RNF180: variants seen among roughly 807,000 people sequenced by gnomAD.
RNF180 encodes E3 ubiquitin-protein ligase RNF180.
In RNF180, 38 loss-of-function variants were observed where a neutral mutation model predicts 59.2. That is an observed-to-expected ratio of 0.64 (90% CI 0.50 to 0.84). The LOEUF (loss-of-function observed/expected upper bound fraction) is 0.84. RNF180 is among the 40% of genes least tolerant of loss of function. The pLI, the probability that RNF180 is intolerant of heterozygous loss-of-function variation, is 0.00. For missense variants in RNF180, 705 were observed against 700.9 expected (o/e 1.01, Z -0.07); for synonymous variants, 262 against 240.3 (o/e 1.09, Z -0.84).
At chr5:64,216,028 A>C (rs952968305) in intron 4 of RNF180, among the ~76,000 whole-genome samples, 1 of 151,922 alleles carries the variant, frequency 6.6e-6, no homozygotes, top group Non-Finnish European at 1.5e-5. Context: ...GTATTCATTC[A>C]CATACATATG....
intron 5 of RNF180, among the ~76,000 whole-genome samples, chr5:64,317,167 C>T (rs1470930214): frequency 6.6e-6 from 1 of 152,086 alleles, no homozygotes; most frequent in Non-Finnish European, 1.5e-5. Flanking sequence ...TGTGTGTACA[C>T]ACACATATAC....
intron 5 of RNF180, among the ~76,000 whole-genome samples, chr5:64,299,701 G>A (rs1743064749): frequency 6.6e-6 from 1 of 151,918 alleles, no homozygotes; most frequent in African/African-American, 2.4e-5. Context: ...TTTCTCTGAA[G>A]TGTCAAAGTG....
At chr5:64,173,409 A>G (rs1028701677) in intron 1 of RNF180, among the ~76,000 whole-genome samples, 3 of 152,154 alleles carry the variant, frequency 2.0e-5, no homozygotes, top group African/African-American at 4.8e-5. Context: ...TGATACATGT[A>G]TATGTTGTAT....
At chr5:64,170,122 A>G (rs1749862057) in intron 1 of RNF180, among the ~76,000 whole-genome samples, 1 of 152,252 alleles carries the variant, frequency 6.6e-6, no homozygotes. Context: ...AGTTATCCAC[A>G]AATAATGATA....
At chr5:64,277,182 A>C (rs1220502647) in intron 5 of RNF180, among the ~76,000 whole-genome samples, 3 of 143,670 alleles carry the variant, frequency 2.1e-5, no homozygotes, top group Admixed American at 7.0e-5. Flanking sequence ...TGGTCTTAAA[A>C]AAAAAAAAGG....
intron 5 of RNF180, among the ~76,000 whole-genome samples, chr5:64,250,892 C>T (rs1293494443): frequency 6.6e-6 from 1 of 152,082 alleles, no homozygotes; most frequent in Non-Finnish European, 1.5e-5. Flanking sequence ...GCCAGACAGA[C>T]ACACTACAAT....
chr5:64,344,237 T>A (rs548160553), intron 7 of RNF180, among the ~76,000 whole-genome samples: 5 of 152,128 alleles, frequency 3.3e-5, no homozygotes, highest in Admixed American at 2.6e-4. Context: ...ACAGAAAGGT[T>A]GGAAGTATAG....
intron 4 of RNF180, among the ~76,000 whole-genome samples, chr5:64,214,925 CAA>C (rs1165488210): frequency 1.3e-5 from 2 of 151,196 alleles, no homozygotes; most frequent in African/African-American, 4.9e-5. Flanking sequence ...AATCAGGTGA[CAA>C]AGTCATTCAC....
At chr5:64,246,432 A>C (rs376650329) in intron 5 of RNF180, among the ~76,000 whole-genome samples, 1 of 152,228 alleles carries the variant, frequency 6.6e-6, no homozygotes, top group East Asian at 1.9e-4. Flanking sequence ...AGGGGATATC[A>C]CTAGTGATCC....
At chr5:64,202,007 AAT>A (rs1751780534) in intron 2 of RNF180, among the ~76,000 whole-genome samples, 1 of 152,224 alleles carries the variant, frequency 6.6e-6, no homozygotes, top group African/African-American at 2.4e-5. Context: ...TAATTAGGAA[AAT>A]ATCCAAAACT....
chr5:64,220,092 C>T lies in RNF180; in HGVS notation c.1227+2696C>T, dbSNP rs192021422. Among the ~76,000 whole-genome samples, 359 of 152,042 alleles carry T rather than the reference C, an allele frequency of 2.4e-3. 1 individual carries two copies. Among genetic ancestry groups the T allele is most frequent in the African/African-American group, 8.5e-3 (352 of 41,482 alleles). Reference sequence around the variant, plus strand: ...CTGTAATGATAACCTCTTTTCAATCCTGATAATGATGGCTTCTCTCCTTTT... The same window carrying T: ...CTGTAATGATAACCTCTTTTCAATCTTGATAATGATGGCTTCTCTCCTTTT... On this transcript the variant is annotated intron_variant, in intron 5 of 7. Transcript: ENST00000389100.
intron 5 of RNF180, among the ~76,000 whole-genome samples, chr5:64,263,044 A>G (rs1485020128): frequency 6.6e-6 from 1 of 152,208 alleles, no homozygotes; most frequent in Non-Finnish European, 1.5e-5. Flanking sequence ...AGATTTAGAA[A>G]TAAGTCCTGG....
At chr5:64,355,463 A>G (rs1465986866) in intron 7 of RNF180, among the ~76,000 whole-genome samples, 1 of 151,978 alleles carries the variant, frequency 6.6e-6, no homozygotes, top group Non-Finnish European at 1.5e-5. Flanking sequence ...AGAAGATTTA[A>G]TACTGTTAAG....
chr5:64,200,845 G>A lies in RNF180; in HGVS notation c.38G>A (p.Ser13Asn). ...AAAGAATTGATAACTAAAAATCATA[G>A]TCAAGAGGAAACAAGTATTCTTCGT... ...RSKELITKNH[S>N]QEETSILRCW... The change falls in exon 2 of 8, where the codon AGT (serine) becomes AAT (asparagine). Residue 13 changes from serine (S) to asparagine (N), a missense_variant. Transcript: ENST00000389100. 2 of 1,612,424 alleles carry A rather than the reference G, an allele frequency of 1.2e-6. No individual in the cohort carries two copies. The highest frequency in any genetic ancestry group is 1.3e-5 in the African/African-American group (1 of 75,014).
intron 5 of RNF180, among the ~76,000 whole-genome samples, chr5:64,236,653 TG>T (rs1373013650): frequency 6.6e-6 from 1 of 152,142 alleles, no homozygotes; most frequent in Non-Finnish European, 1.5e-5. Context: ...GAGATCTTTG[TG>T]GCAGCCCCTC....
chr5:64,190,626 A>AC (rs962629816), intron 1 of RNF180, among the ~76,000 whole-genome samples: 1 of 152,028 alleles, frequency 6.6e-6, no homozygotes. Context: ...TGAAGTTCTA[A>AC]CCCCCAATTT....
intron 5 of RNF180, among the ~76,000 whole-genome samples, chr5:64,308,409 T>G (rs533752921): frequency 7.2e-5 from 11 of 151,862 alleles, no homozygotes; most frequent in Admixed American, 3.3e-4. Flanking sequence ...CAAGTGTCAT[T>G]TTGTAGTCTG....
At chr5:64,314,160 G>A (rs1412131452) in intron 5 of RNF180, among the ~76,000 whole-genome samples, 1 of 152,060 alleles carries the variant, frequency 6.6e-6, no homozygotes, top group African/African-American at 2.4e-5. Flanking sequence ...AAGGTGTCAG[G>A]TGTGAAATTT....
intron 6 of RNF180, among the ~76,000 whole-genome samples, chr5:64,326,069 T>A (rs752108204): frequency 8.5e-5 from 13 of 152,152 alleles, no homozygotes; most frequent in African/African-American, 1.4e-4. Context: ...AAATTTTCTA[T>A]CTTCACATTC....
Sources: allele counts gnomAD v4.1 joint callset (sites outside exome capture counted in the v4.1 genomes callset), GRCh38; gene constraint gnomAD v4.1.1; transcripts MANE v1.5; gene names NCBI Gene and HGNC (gene_info 2026-07-23, HGNC 2026-07-21).